CAMTA1: variants seen among roughly 807,000 people sequenced by gnomAD.
CAMTA1 encodes the protein calmodulin binding transcription activator 1.
Under a neutral mutation model 170.9 loss-of-function variants are expected in CAMTA1, and 27 were observed. The observed-to-expected ratio is 0.16, with a 90% confidence interval of 0.12 to 0.22. The LOEUF (loss-of-function observed/expected upper bound fraction) is 0.22, where lower values mean the gene tolerates loss of function less well. Ranked by LOEUF, CAMTA1 falls within the 10% of genes least tolerant of loss-of-function variation. The pLI, the probability that CAMTA1 is intolerant of heterozygous loss-of-function variation, is 1.00. For synonymous variants in CAMTA1, 833 were observed against 891.5 expected (o/e 0.93, Z 1.17); for missense variants, 1,619 against 2,217.2 (o/e 0.73, Z 5.42).
In CAMTA1 at chr1:7,309,051, CT is replaced by C. The variant is rs558794189; in HGVS notation, c.438+59430del. Among the ~76,000 whole-genome samples, 428 of 152,184 alleles carry C rather than the reference CT, an allele frequency of 2.8e-3. 2 individuals are homozygous for C. Among genetic ancestry groups the C allele is most frequent in the African/African-American group, 9.9e-3 (411 of 41,518 alleles). ...TCTCTTTTATTATTAAGCAGTGTCT[CT>C]TTTTATCATGGTAATTTTCTTTGCT... On this transcript the variant is annotated intron_variant, in intron 5 of 22. Coordinates refer to ENST00000303635, the MANE Select transcript of CAMTA1 (RefSeq NM_015215.4).
intron 4 of CAMTA1, among the ~76,000 whole-genome samples, chr1:7,123,269 G>A (rs1459236825): frequency 1.3e-5 from 2 of 152,020 alleles, no homozygotes; most frequent in African/African-American, 4.8e-5. Context: ...TTGGCCTGTC[G>A]GTGGCTGTCT....
chr1:7,251,473 C>T lies in CAMTA1; in HGVS notation c.438+1847C>T, dbSNP rs527463846. 2.6e-5 allele frequency among the ~76,000 whole-genome samples: 4 copies of T among 152,008 alleles called. No individual in the cohort carries two copies. The highest frequency in any genetic ancestry group is 6.6e-5 in the Admixed American group (1 of 15,258). ...CTAACATGGATGGCAGTGTGGGCAG[C>T]GGGAAGAGCCGGTGACACGATGCTT... On this transcript the variant is annotated intron_variant, in intron 5 of 22. Coordinates refer to ENST00000303635, the MANE Select transcript of CAMTA1 (RefSeq NM_015215.4). This position sits in a 1 kb window ranked among gnomAD's most constrained non-coding sequence, Gnocchi z 5.1.
intron 5 of CAMTA1, among the ~76,000 whole-genome samples, chr1:7,416,093 T>C (rs1385248972): frequency 2.0e-5 from 3 of 152,202 alleles, no homozygotes; most frequent in African/African-American, 4.8e-5. Context: ...TGGCCCCCAC[T>C]CTCTTCTGGC....
chr1:7,126,711 A>G (rs1325440687), intron 4 of CAMTA1, among the ~76,000 whole-genome samples: 1 of 152,262 alleles, frequency 6.6e-6, no homozygotes. Flanking sequence ...TGCAACACCT[A>G]TTTGGAACCT....
Position 6,887,891 on chromosome 1 carries a change from C to G in CAMTA1, c.234+62681C>G. 7.2e-7 allele frequency: 1 copy of G among 1,391,838 alleles called. No individual in the cohort carries two copies. The highest frequency in any genetic ancestry group is 9.3e-7 in the Non-Finnish European group (1 of 1,071,380). 86.2% of individuals were successfully genotyped at this position (1,391,838 alleles called of 1,614,324 possible). On this transcript the variant is annotated intron_variant, in intron 3 of 22. Transcript: ENST00000303635. The surrounding 1 kb of genome is among the most constrained non-coding windows in gnomAD (Gnocchi z 4.1). ...ATGAAATAGAATAAAGTGACCTACT[C>G]TTGCCTCATCCGGAGTTATTACGAA... is the stretch of plus-strand genomic sequence containing the variant.
intron 6 of CAMTA1, among the ~76,000 whole-genome samples, chr1:7,524,007 C>A (rs1391246067): frequency 1.3e-5 from 2 of 151,990 alleles, no homozygotes; most frequent in Non-Finnish European, 2.9e-5. Flanking sequence ...TTGAGACCAG[C>A]CTGGCCAATA....
At chr1:7,021,174 T>A (rs983554369) in intron 3 of CAMTA1, among the ~76,000 whole-genome samples, 1 of 152,234 alleles carries the variant, frequency 6.6e-6, no homozygotes, top group Non-Finnish European at 1.5e-5. Flanking sequence ...CCAAGTGGAA[T>A]CACTCTGCAT....
At chr1:6,929,786 T>C (rs902025648) in intron 3 of CAMTA1, among the ~76,000 whole-genome samples, 1 of 152,154 alleles carries the variant, frequency 6.6e-6, no homozygotes, top group Non-Finnish European at 1.5e-5. Flanking sequence ...CGTGAGCCAC[T>C]GTGCCCGGCC....
At chr1:7,721,755 T>C (rs1436621849) in intron 11 of CAMTA1, among the ~76,000 whole-genome samples, 1 of 151,968 alleles carries the variant, frequency 6.6e-6, no homozygotes, top group Non-Finnish European at 1.5e-5. Context: ...TGAGACAGAG[T>C]CTCACTCCAT....
At position 6,965,536 on chromosome 1, in the gene CAMTA1, C is replaced by T. The variant is rs992787405; in HGVS notation, c.235-125768C>T. On this transcript the variant is annotated intron_variant, in intron 3 of 22. Coordinates refer to ENST00000303635, the MANE Select transcript of CAMTA1 (RefSeq NM_015215.4). This position sits in a 1 kb window ranked among gnomAD's most constrained non-coding sequence, Gnocchi z 4.1. ...GGCACTGGTAGCAGCTGAAGCAAGG[C>T]GGCTCTAGATGGAGGGAGGGGACAG... is the stretch of plus-strand genomic sequence containing the variant. Among the ~76,000 whole-genome samples the T allele has an allele frequency of 1.3e-5, 2 of 151,912 alleles. No homozygotes were observed. Among genetic ancestry groups the T allele is most frequent in the Non-Finnish European group, 2.9e-5 (2 of 67,986 alleles).
At chr1:7,647,434 G>GC (rs1368987294) in intron 7 of CAMTA1, among the ~76,000 whole-genome samples, 6 of 152,186 alleles carry the variant, frequency 3.9e-5, no homozygotes, top group African/African-American at 9.7e-5. Flanking sequence ...AGTGGCAGCG[G>GC]CCCCGCTCGG....
intron 6 of CAMTA1, among the ~76,000 whole-genome samples, chr1:7,550,463 A>T (rs1008101702): frequency 7.5e-5 from 10 of 132,908 alleles, no homozygotes; most frequent in African/African-American, 2.3e-4. Flanking sequence ...TCCCACCTGG[A>T]CCTCCCCTCC....
intron 5 of CAMTA1, among the ~76,000 whole-genome samples, chr1:7,276,297 A>ATTTTT (rs1431072819): frequency 6.5e-4 from 14 of 21,542 alleles, no homozygotes; most frequent in African/African-American, 5.0e-3. Context: ...ATATATATAT[A>ATTTTT]TATATATTTT....
chr1:7,718,117 T>C (rs551565318), intron 11 of CAMTA1, among the ~76,000 whole-genome samples: 8 of 151,956 alleles, frequency 5.3e-5, no homozygotes, highest in African/African-American at 1.2e-4. Context: ...GTTTTTGTAG[T>C]CCCGGTGGCT....
At chr1:6,845,271 T>C (rs1570818985) in intron 3 of CAMTA1, among the ~76,000 whole-genome samples, 3 of 152,098 alleles carry the variant, frequency 2.0e-5, no homozygotes, top group African/African-American at 7.2e-5. Context: ...AGGCCGGCAG[T>C]TGGGGGAAAA....
chr1:7,058,082 C>T (rs1244805185), intron 3 of CAMTA1, among the ~76,000 whole-genome samples: 1 of 152,126 alleles, frequency 6.6e-6, no homozygotes, highest in Non-Finnish European at 1.5e-5. Flanking sequence ...GAGACCGGCC[C>T]CTTCCTCTCT....
chr1:7,124,072 G>A (rs1206539227), intron 4 of CAMTA1, among the ~76,000 whole-genome samples: 1 of 152,122 alleles, frequency 6.6e-6, no homozygotes, highest in Admixed American at 6.5e-5. Context: ...CAGCTATAGT[G>A]GTGTTTCCAG....
chr1:6,862,611 G>A (rs901028824), intron 3 of CAMTA1, among the ~76,000 whole-genome samples: 6 of 152,070 alleles, frequency 3.9e-5, no homozygotes, highest in Non-Finnish European at 7.4e-5. Context: ...TAAGTAGAAG[G>A]AACATTTTTC....
chr1:7,366,564 A>T (rs569454651), intron 5 of CAMTA1, among the ~76,000 whole-genome samples: 1 of 152,252 alleles, frequency 6.6e-6, no homozygotes, highest in Non-Finnish European at 1.5e-5. Context: ...TTTGCAGCAG[A>T]TGAAGTAGAT....
Sources: allele counts gnomAD v4.1 joint callset (sites outside exome capture counted in the v4.1 genomes callset), GRCh38; gene constraint gnomAD v4.1.1; non-coding constraint Gnocchi (gnomAD v3.1); transcripts MANE v1.5; gene names NCBI Gene and HGNC (gene_info 2026-07-23, HGNC 2026-07-21).